The following ZEB1 variants were observed in gnomAD, a reference collection of about 807,000 sequenced individuals.
ZEB1 encodes zinc finger E-box-binding homeobox 1.
A neutral mutation model predicts 84.9 loss-of-function variants in ZEB1; 21 were observed. The observed-to-expected ratio is 0.25, with a 90% confidence interval of 0.18 to 0.36. The LOEUF (loss-of-function observed/expected upper bound fraction) is 0.36, where lower values mean the gene tolerates loss of function less well. Ranked by LOEUF, ZEB1 falls within the 10% of genes least tolerant of loss-of-function variation. The pLI is 1.00. For synonymous variants in ZEB1, 420 were observed against 471.1 expected, an observed-to-expected ratio of 0.89 and a Z score of 1.41; for missense variants, 1,104 against 1,330.2, an observed-to-expected ratio of 0.83 and a Z score of 2.65.
chr10:31,396,976 C>G (rs984117661), intron 1 of ZEB1, among the ~76,000 whole-genome samples: 12 of 150,962 alleles, frequency 7.9e-5, no homozygotes, highest in Non-Finnish European at 1.6e-4. Context: ...TAAAATAGCT[C>G]GAGCTCTCCT....
At chr10:31,524,215 T>A in intron 8 of ZEB1, 102 bp downstream of exon 8, 8 of 1,308,834 alleles carry the variant, frequency 6.1e-6, no homozygotes, top group East Asian at 2.6e-5. Flanking sequence ...TTTTTTTTTT[T>A]TTATTTTGTT....
chr10:31,320,563 T>G (rs1398425188), intron 1 of ZEB1: 1 of 151,950 alleles, frequency 6.6e-6, no homozygotes, highest in African/African-American at 2.4e-5. Flanking sequence ...TATTGATTTG[T>G]GCTGCTGTGC....
rs761846871 is a variant in ZEB1, at chr10:31,521,327, T to A, written c.1995T>A (p.Ser665=). The A allele has an allele frequency of 4.4e-5, 71 of 1,614,002 alleles. No individual in the cohort carries two copies. Among genetic ancestry groups the A allele is most frequent in the Non-Finnish European group, 5.8e-5 (69 of 1,180,018 alleles). ...CCAAGAACAATGATCAGCCTCAATC[T>A]GCAAATGCAAATGAACCCCAGGACA... The part of the protein sequence containing the change: ...IPAKNNDQPQ[S]ANANEPQDST... The change falls in exon 7 of 9, where the codon TCT becomes TCA. Residue 665 remains serine, a synonymous_variant. Coordinates refer to ENST00000424869, the MANE Select transcript of ZEB1 (RefSeq NM_001174096.2).
chr10:31,353,781 C>T (rs1276845796), intron 1 of ZEB1, among the ~76,000 whole-genome samples: 3 of 152,146 alleles, frequency 2.0e-5, no homozygotes, highest in Non-Finnish European at 4.4e-5. Flanking sequence ...CACCACCAAC[C>T]TGTCATATTG....
Position 31,520,746 on chromosome 10 carries a change from A to C in ZEB1, c.1414A>C (p.Thr472Pro). The part of the protein sequence containing the change: ...SLPLVDQDGT[T>P]KIIINYSLEQ... The stretch of plus-strand genomic sequence containing the variant: ...TCCTTTGGTTGATCAAGATGGAACA[A>C]CCAAAATTATCATCAACTACAGTCT... The change falls in exon 7 of 9, where the codon ACC (threonine) becomes CCC (proline). Residue 472 changes from threonine to proline, a missense_variant. By Grantham distance (38) the Thr-to-Pro change is conservative (BLOSUM62 -1). Transcript: ENST00000424869. This position sits in a 1 kb window ranked among gnomAD's most constrained non-coding sequence, Gnocchi z 5.1. The C allele has an allele frequency of 6.2e-7, 1 of 1,614,068 alleles. No individual in the cohort carries two copies. Among genetic ancestry groups the C allele is most frequent in the Non-Finnish European group, 8.5e-7 (1 of 1,179,988 alleles).
Position 31,362,343 on chromosome 10 carries a change from G to A in ZEB1, c.58+43051G>A, listed in dbSNP as rs548889956. Among the ~76,000 whole-genome samples the A allele has an allele frequency of 4.6e-3, 666 of 145,614 alleles. 6 individuals carry two copies. Among genetic ancestry groups the A allele is most frequent in the African/African-American group, 0.016 (637 of 39,084 alleles). ...GACGGGGCGGTGGCCGAGCAGAGGC[G>A]CTCCTCACTTCCCAGAGTGTAGGGG... On this transcript the variant is annotated intron_variant, in intron 1 of 8. Coordinates refer to ENST00000424869, the MANE Select transcript of ZEB1 (RefSeq NM_001174096.2).
At chr10:31,525,774 A>T (rs1379224984) in intron 8 of ZEB1, among the ~76,000 whole-genome samples, 1 of 152,220 alleles carries the variant, frequency 6.6e-6, no homozygotes, top group Non-Finnish European at 1.5e-5. Flanking sequence ...TGGTTACATA[A>T]GAGAAAGTCA....
chr10:31,410,020 G>A (rs530984595), intron 1 of ZEB1, among the ~76,000 whole-genome samples: 5 of 152,264 alleles, frequency 3.3e-5, no homozygotes, highest in African/African-American at 1.2e-4. Flanking sequence ...TTGCGTGATT[G>A]CCCAAGCCAG....
At chr10:31,363,516 G>A (rs1303490172) in intron 1 of ZEB1, 2 of 1,529,602 alleles carry the variant, frequency 1.3e-6, no homozygotes, top group Non-Finnish European at 1.8e-6. Context: ...CATTGCTACA[G>A]GGGCCCCTTT....
At chr10:31,422,500 AC>A (rs2056331727) in intron 1 of ZEB1, among the ~76,000 whole-genome samples, 1 of 152,058 alleles carries the variant, frequency 6.6e-6, no homozygotes, top group South Asian at 2.1e-4. Context: ...TTCCCCAAAG[AC>A]CCTTACCTGG....
chr10:31,413,596 G>A (rs78908698), intron 1 of ZEB1, among the ~76,000 whole-genome samples: 240 of 151,166 alleles, frequency 1.6e-3, no homozygotes, highest in Middle Eastern at 0.014. Flanking sequence ...AGATATGAAA[G>A]ATAAGGAGTA....
intron 2 of ZEB1, among the ~76,000 whole-genome samples, chr10:31,473,213 A>G (rs1194991996): frequency 6.6e-6 from 1 of 151,188 alleles, no homozygotes; most frequent in African/African-American, 2.5e-5. Flanking sequence ...GGCCAGGGCA[A>G]TTAGGCAGGA....
chr10:31,449,651 T>G lies in ZEB1; in HGVS notation c.59-11386T>G, dbSNP rs576238047. On this transcript the variant is annotated intron_variant, in intron 1 of 8. Transcript: ENST00000424869. ...TTTGTATTATATTCAAGTCCATTGA[T>G]TGCCCATCCCTGTAATAGTACAAAT... Among the ~76,000 whole-genome samples the G allele has an allele frequency of 4.6e-5, 7 of 152,340 alleles. No individual in the cohort carries two copies. In the East Asian group the frequency reaches 1.3e-3, roughly 29 times the overall value.
At chr10:31,488,474 G>A (rs1020826231) in intron 2 of ZEB1, among the ~76,000 whole-genome samples, 2 of 148,802 alleles carry the variant, frequency 1.3e-5, no homozygotes, top group African/African-American at 4.9e-5. Context: ...CTACAGTTTT[G>A]TCCATTGCAT....
intron 1 of ZEB1, among the ~76,000 whole-genome samples, chr10:31,320,874 G>GC (rs1024683818): frequency 2.0e-5 from 3 of 152,154 alleles, no homozygotes; most frequent in Non-Finnish European, 4.4e-5. Context: ...CGCCTGCGCC[G>GC]CCCCGGTACC....
At chr10:31,495,976 G>A (rs2067171607) in intron 3 of ZEB1, 138 bp downstream of exon 3, 4 of 868,176 alleles carry the variant, frequency 4.6e-6, no homozygotes, top group Middle Eastern at 2.3e-4. Context: ...TAAGTACTTA[G>A]GCATATGGTG....
intron 1 of ZEB1, among the ~76,000 whole-genome samples, chr10:31,435,588 C>T (rs2058194458): frequency 6.6e-6 from 1 of 152,068 alleles, no homozygotes; most frequent in Admixed American, 6.6e-5. Flanking sequence ...AAGAAAGACC[C>T]AGCTGTGTGG....
intron 1 of ZEB1, among the ~76,000 whole-genome samples, chr10:31,412,330 A>G (rs1202315987): frequency 2.6e-5 from 4 of 152,170 alleles, no homozygotes; most frequent in Non-Finnish European, 5.9e-5. Context: ...TTACATATGT[A>G]TAAATGGCCA....
At chr10:31,489,450 T>G (rs537959382) in intron 2 of ZEB1, among the ~76,000 whole-genome samples, 1 of 148,334 alleles carries the variant, frequency 6.7e-6, no homozygotes, top group Non-Finnish European at 1.5e-5. Flanking sequence ...TTAATTGGTT[T>G]GTTTAGGCCA....
Sources: gnomAD v4.1 joint callset for allele counts (sites outside exome capture counted in the v4.1 genomes callset) on GRCh38, gnomAD v4.1.1 for gene constraint, Gnocchi (gnomAD v3.1) non-coding constraint, MANE v1.5 for transcripts, NCBI Gene and HGNC (gene_info 2026-07-23, HGNC 2026-07-21) for gene names.